MTNR1A: variants seen among roughly 807,000 people sequenced by gnomAD.
The protein encoded by MTNR1A is melatonin receptor 1A.
MTNR1A carries 7 observed loss-of-function variants against 5.5 expected under a neutral mutation model. The ratio of observed to expected loss-of-function variants is 1.28; its 90% CI spans 0.73 to 2.40. The LOEUF (loss-of-function observed/expected upper bound fraction) is 2.40, where lower values mean the gene tolerates loss of function less well. Among genes scored for constraint, MTNR1A ranks in the 30% most tolerant of loss-of-function variants. The probability of loss-of-function intolerance (pLI) is 0.00; values close to 1 mark genes in which losing one functional copy is unlikely to be tolerated. For synonymous variants in MTNR1A, 196 were observed against 202.7 expected, an observed-to-expected ratio of 0.97 and a Z score of 0.28; for missense variants, 441 against 464.4, an observed-to-expected ratio of 0.95 and a Z score of 0.46.
chr4:186,535,151 G>C (rs188407434), intron 1 of MTNR1A, among the ~76,000 whole-genome samples: 10 of 152,230 alleles, frequency 6.6e-5, no homozygotes, highest in Admixed American at 3.3e-4. Context: ...TGGATGATGG[G>C]ATAATGAGCA....
rs1225875947 is a variant in MTNR1A at position 186,534,401 on chromosome 4, G to A, written c.341C>T (p.Ser114Phe). 2.5e-6 allele frequency: 4 copies of A among 1,613,978 alleles called. No homozygotes were observed. Among genetic ancestry groups the A allele is most frequent in the Non-Finnish European group, 3.4e-6 (4 of 1,180,028 alleles). The change falls in exon 2 of 2, where the codon TCC (serine) becomes TTC (phenylalanine). Residue 114 changes from serine (S) to phenylalanine (F), a missense_variant. Coordinates refer to ENST00000307161, the MANE Select transcript of MTNR1A (RefSeq NM_005958.4). ...GFLMGLSVIG[S>F]IFNITGIAIN... Reference sequence around the variant, plus strand: ...GGCGATGCCGGTGATGTTGAATATGGAGCCGATGACGCTCAGGCCCATCAG... The same window carrying A: ...GGCGATGCCGGTGATGTTGAATATGAAGCCGATGACGCTCAGGCCCATCAG...
chr4:186,534,242 G>A lies in MTNR1A; in HGVS notation c.500C>T (p.Thr167Ile). The A allele has an allele frequency of 6.2e-7, 1 of 1,614,098 alleles. No individual in the cohort carries two copies. ...GTAGATCCTCGGGTCGTACTGGAGA[G>A]TCCCTGCACGGAGGTTGGGCAGGAC... is the stretch of plus-strand genomic sequence containing the variant. The part of the protein sequence containing the change: ...AAVLPNLRAG[T>I]LQYDPRIYSC... The change falls in exon 2 of 2, where the codon ACT becomes ATT. Residue 167 changes from threonine to isoleucine, a missense_variant. Physicochemically the swap from Thr to Ile is moderately conservative, Grantham distance 89 (BLOSUM62 -1). Coordinates refer to ENST00000307161, the MANE Select transcript of MTNR1A (RefSeq NM_005958.4).
intron 1 of MTNR1A, among the ~76,000 whole-genome samples, chr4:186,546,229 G>A (rs1336243779): frequency 6.6e-6 from 1 of 151,954 alleles, no homozygotes; most frequent in African/African-American, 2.4e-5. Context: ...CTTGCTTCAC[G>A]GAAGGTTCCT....
chr4:186,548,031 C>T (rs943516764), intron 1 of MTNR1A, among the ~76,000 whole-genome samples: 2 of 152,118 alleles, frequency 1.3e-5, no homozygotes, highest in African/African-American at 4.8e-5. Flanking sequence ...GATACTGTAC[C>T]TTTATTCGTC....
intron 1 of MTNR1A, among the ~76,000 whole-genome samples, chr4:186,549,160 A>T (rs976372987): frequency 2.6e-5 from 4 of 152,038 alleles, no homozygotes; most frequent in Non-Finnish European, 5.9e-5. Context: ...TCCAGCAAGC[A>T]TTTAAATAAA....
At chr4:186,535,098 C>T (rs762596115) in intron 1 of MTNR1A, among the ~76,000 whole-genome samples, 12 of 152,220 alleles carry the variant, frequency 7.9e-5, no homozygotes, top group Middle Eastern at 3.4e-3. Context: ...ACTGTCCAAC[C>T]GGGGCAAGTT....
At position 186,555,020 on chromosome 4, in the gene MTNR1A, A is replaced by G. The variant is rs1419035175; in HGVS notation, c.184+162T>C. Among the ~76,000 whole-genome samples the G allele has an allele frequency of 1.3e-5, 2 of 152,192 alleles. No homozygotes were observed. Among genetic ancestry groups the G allele is most frequent in the Non-Finnish European group, 1.5e-5 (1 of 68,028 alleles). On this transcript the variant is annotated intron_variant, in intron 1 of 1. Transcript: ENST00000307161. The surrounding 1 kb of genome is among the most constrained non-coding windows in gnomAD (Gnocchi z 4.1). ...GTGACTCCGCGCCTTATGAAAAGGC[A>G]CTTTCAACGGGCAGGCTGGAGAAGA...
At chr4:186,552,367 A>T (rs1228657528) in intron 1 of MTNR1A, among the ~76,000 whole-genome samples, 1 of 152,140 alleles carries the variant, frequency 6.6e-6, no homozygotes, top group African/African-American at 2.4e-5. Flanking sequence ...ATTTTTGCTA[A>T]TTTCCATTTA....
chr4:186,538,639 T>A (rs930791050), intron 1 of MTNR1A, among the ~76,000 whole-genome samples: 1 of 152,186 alleles, frequency 6.6e-6, no homozygotes, highest in African/African-American at 2.4e-5. Context: ...CCGTGGACTT[T>A]AGACAGCAGC....
At chr4:186,543,970 G>T (rs530937464) in intron 1 of MTNR1A, among the ~76,000 whole-genome samples, 1 of 152,096 alleles carries the variant, frequency 6.6e-6, no homozygotes, top group Non-Finnish European at 1.5e-5. Context: ...AAAGAATTTT[G>T]TATAAGATTT....
chr4:186,534,125 CAGA>C lies in MTNR1A; in HGVS notation c.614_616del (p.Phe205del), dbSNP rs1222950260. 1 of 1,614,038 alleles carries C rather than the reference CAGA, an allele frequency of 6.2e-7. No individual in the cohort carries two copies. Among genetic ancestry groups the C allele is most frequent in the East Asian group, 2.2e-5 (1 of 44,878 alleles). ...AACCAGGATCCATATTCTCAGGTAA[CAGA>C]AGATGACTATGATCATGGGGACGAG... On this transcript the variant is annotated inframe_deletion, in exon 2 of 2. Transcript: ENST00000307161.
chr4:186,553,529 G>C (rs1192923281), intron 1 of MTNR1A, among the ~76,000 whole-genome samples: 2 of 151,998 alleles, frequency 1.3e-5, no homozygotes, highest in East Asian at 3.8e-4. Context: ...TTATTTTTTT[G>C]AGATGGAGTT....
intron 1 of MTNR1A, among the ~76,000 whole-genome samples, chr4:186,539,171 C>T (rs565857648): frequency 2.7e-4 from 38 of 142,182 alleles, no homozygotes; most frequent in Non-Finnish European, 4.3e-4. Context: ...GAGCTGAGAT[C>T]GTGCCACTGC....
At chr4:186,550,431 C>G (rs1015985074) in intron 1 of MTNR1A, among the ~76,000 whole-genome samples, 2 of 152,172 alleles carry the variant, frequency 1.3e-5, no homozygotes, top group Non-Finnish European at 2.9e-5. Flanking sequence ...CTTAAGGCAC[C>G]TTGTAAAGAT....
chr4:186,540,480 A>G (rs1028176426), intron 1 of MTNR1A, among the ~76,000 whole-genome samples: 2 of 152,246 alleles, frequency 1.3e-5, no homozygotes, highest in African/African-American at 4.8e-5. Context: ...CTCATAACAC[A>G]GACCCTTAGT....
chr4:186,555,107 T>C lies in MTNR1A; in HGVS notation c.184+75A>G. ...GTGTTTAGGAAAAAGAACCAAGTGC[T>C]TGGGGAAGGCTGGCTGCCCGCGGAG... On this transcript the variant is annotated intron_variant, in intron 1 of 1. Transcript: ENST00000307161. The surrounding 1 kb of genome is among the most constrained non-coding windows in gnomAD (Gnocchi z 4.1). 6.9e-7 allele frequency: 1 copy of C among 1,454,644 alleles called. No individual in the cohort carries two copies. Among genetic ancestry groups the C allele is most frequent in the Non-Finnish European group, 9.4e-7 (1 of 1,060,218 alleles). The allele number at this position is 1,454,644 out of a possible 1,614,324, so 90.1% of individuals were successfully genotyped here.
Position 186,555,355 on chromosome 4 carries a change from T to C in MTNR1A, c.11A>G (p.Asn4Ser). The C allele has an allele frequency of 6.5e-7, 1 of 1,536,380 alleles. No individual in the cohort carries two copies. The part of the protein sequence containing the change: MQG[N>S]GSALPNASQP... ...GGAGGCGTTGGGCAGCGCGCTGCCG[T>C]TGCCCTGCATGGTCCCTGTGCGCGT... The change falls in exon 1 of 2, where the codon AAC becomes AGC. Residue 4 changes from asparagine (N) to serine (S), a missense_variant. Asn to Ser is a conservative substitution (Grantham distance 46). Transcript: ENST00000307161. The surrounding 1 kb of genome is among the most constrained non-coding windows in gnomAD (Gnocchi z 4.1).
intron 1 of MTNR1A, among the ~76,000 whole-genome samples, chr4:186,540,672 T>G (rs547339345): frequency 6.6e-6 from 1 of 151,072 alleles, no homozygotes; most frequent in African/African-American, 2.4e-5. Context: ...GACCAGGTGC[T>G]GTCTGACTGA....
At chr4:186,544,908 A>T (rs1367515730) in intron 1 of MTNR1A, among the ~76,000 whole-genome samples, 1 of 152,144 alleles carries the variant, frequency 6.6e-6, no homozygotes, top group African/African-American at 2.4e-5. Flanking sequence ...GCCTTCACTG[A>T]TCACAGAGCC....
Sources: gnomAD v4.1 joint callset for allele counts (sites outside exome capture counted in the v4.1 genomes callset) on GRCh38, gnomAD v4.1.1 for gene constraint, Gnocchi (gnomAD v3.1) non-coding constraint, MANE v1.5 for transcripts, NCBI Gene and HGNC (gene_info 2026-07-23, HGNC 2026-07-21) for gene names.